KHDRBS3: variants seen among roughly 807,000 people sequenced by gnomAD.
KHDRBS3 encodes KH RNA binding domain containing, signal transduction associated 3.
In KHDRBS3, 23 loss-of-function variants were observed where a neutral mutation model predicts 45.6. The observed-to-expected ratio is 0.50, with a 90% CI of 0.36 to 0.72. The LOEUF (loss-of-function observed/expected upper bound fraction) is 0.72, where lower values mean the gene tolerates loss of function less well. Ranked by LOEUF, KHDRBS3 falls within the 30% of genes least tolerant of loss-of-function variation. The pLI is 0.00. For synonymous variants in KHDRBS3, 162 were observed against 156.5 expected, an observed-to-expected ratio of 1.04 and a Z score of -0.26; for missense variants, 352 against 424.8, an observed-to-expected ratio of 0.83 and a Z score of 1.51.
chr8:135,587,027 C>T (rs975146922), intron 6 of KHDRBS3, among the ~76,000 whole-genome samples: 4 of 152,138 alleles, frequency 2.6e-5, no homozygotes, highest in African/African-American at 7.2e-5. Context: ...ATTTAGTCAA[C>T]GGTATCTGTT....
intron 1 of KHDRBS3, among the ~76,000 whole-genome samples, chr8:135,464,587 T>G (rs1276944330): frequency 6.6e-6 from 1 of 152,220 alleles, no homozygotes; most frequent in Admixed American, 6.5e-5. Flanking sequence ...AAAAAAGTAT[T>G]CCCACAGATA....
chr8:135,610,466 T>C (rs998338823), intron 7 of KHDRBS3, among the ~76,000 whole-genome samples: 1 of 151,912 alleles, frequency 6.6e-6, no homozygotes, highest in African/African-American at 2.4e-5. Flanking sequence ...TCAGTGTTTA[T>C]TGAATGTCCA....
intron 2 of KHDRBS3, among the ~76,000 whole-genome samples, chr8:135,532,703 T>A (rs898479233): frequency 2.6e-5 from 4 of 152,168 alleles, no homozygotes; most frequent in African/African-American, 9.6e-5. Context: ...GTTGAGTAAC[T>A]TGCTAAAAGT....
chr8:135,512,939 G>T (rs1224528635), intron 1 of KHDRBS3, among the ~76,000 whole-genome samples: 2 of 152,170 alleles, frequency 1.3e-5, no homozygotes, highest in Admixed American at 6.5e-5. Flanking sequence ...GAGGCTAGGC[G>T]CAGTGGCTCA....
chr8:135,532,690 G>C (rs1825541934), intron 2 of KHDRBS3, among the ~76,000 whole-genome samples: 1 of 152,124 alleles, frequency 6.6e-6, no homozygotes, highest in Non-Finnish European at 1.5e-5. Flanking sequence ...GAAGAACAGA[G>C]AAGTTGAGTA....
intron 1 of KHDRBS3, among the ~76,000 whole-genome samples, chr8:135,498,697 TTTTTC>T (rs1823582192): frequency 6.6e-6 from 1 of 151,382 alleles, no homozygotes; most frequent in Non-Finnish European, 1.5e-5. Flanking sequence ...GAAAAGTTGT[TTTTTC>T]TTCTTTTTTT....
intron 2 of KHDRBS3, among the ~76,000 whole-genome samples, chr8:135,528,502 T>A (rs972042624): frequency 5.4e-5 from 8 of 148,822 alleles, no homozygotes; most frequent in African/African-American, 1.8e-4. Context: ...GACATAATAT[T>A]TTTTCAGATA....
At chr8:135,503,480 G>T (rs968897583) in intron 1 of KHDRBS3, among the ~76,000 whole-genome samples, 2 of 152,060 alleles carry the variant, frequency 1.3e-5, no homozygotes, top group African/African-American at 2.4e-5. Context: ...AGGATTAAAC[G>T]TGGCCTCCTG....
intron 1 of KHDRBS3, among the ~76,000 whole-genome samples, chr8:135,502,174 C>T (rs190549594): frequency 2.0e-4 from 31 of 152,260 alleles, no homozygotes; most frequent in Admixed American, 9.8e-4. Context: ...TATGAATCTT[C>T]CTGCTACTGC....
chr8:135,479,016 G>A (rs1339311924), intron 1 of KHDRBS3, among the ~76,000 whole-genome samples: 3 of 152,160 alleles, frequency 2.0e-5, no homozygotes, highest in Non-Finnish European at 4.4e-5. Flanking sequence ...CCGAAAGGTG[G>A]TTCTTTGAAA....
At chr8:135,487,677 G>A (rs575347693) in intron 1 of KHDRBS3, among the ~76,000 whole-genome samples, 6 of 152,286 alleles carry the variant, frequency 3.9e-5, no homozygotes, top group Admixed American at 3.9e-4. Flanking sequence ...AAGGAGAAAA[G>A]GGAGACAGGA....
intron 1 of KHDRBS3, among the ~76,000 whole-genome samples, chr8:135,515,365 TAAAAAAAA>T (rs59502823): frequency 0.072 from 2,858 of 39,534 alleles, 190 homozygotes; most frequent in African/African-American, 0.11. Flanking sequence ...GACTCCGTCT[TAAAAAAAA>T]AAAAAAAAAA....
chr8:135,625,766 G>T, intron 7 of KHDRBS3: 1 of 764,180 alleles, frequency 1.3e-6, no homozygotes, highest in Non-Finnish European at 2.4e-6. Context: ...TGAAGTTCTG[G>T]ATGCACCCGT....
intron 2 of KHDRBS3, among the ~76,000 whole-genome samples, chr8:135,523,853 C>G (rs1310258295): frequency 1.3e-5 from 2 of 152,076 alleles, no homozygotes; most frequent in African/African-American, 4.8e-5. Context: ...TTGAAATAAA[C>G]ACAATGTATT....
At position 135,463,502 on chromosome 8, in the gene KHDRBS3, A is replaced by C. The variant is rs531175175; in HGVS notation, c.88+5548A>C. Among the ~76,000 whole-genome samples, 12 of 152,294 alleles carry C rather than the reference A, an allele frequency of 7.9e-5. No individual in the cohort carries two copies. In the South Asian group the frequency reaches 2.5e-3, roughly 32 times the overall value. Reference sequence around the variant, plus strand: ...GATCCTTCTCTAGGAGATAATGAGAAGATGTTGTCAGATCTGCTTTGAATC... The same window carrying C: ...GATCCTTCTCTAGGAGATAATGAGACGATGTTGTCAGATCTGCTTTGAATC... On this transcript the variant is annotated intron_variant, in intron 1 of 8. Coordinates refer to ENST00000355849, the MANE Select transcript of KHDRBS3 (RefSeq NM_006558.3).
downstream of KHDRBS3, among the ~76,000 whole-genome samples, chr8:135,650,680 T>C (rs1486817887): frequency 6.6e-6 from 1 of 152,214 alleles, no homozygotes; most frequent in Non-Finnish European, 1.5e-5. Context: ...TATATTACAG[T>C]GGCTCCTCCC....
chr8:135,588,310 A>G (rs1828578618), intron 6 of KHDRBS3, among the ~76,000 whole-genome samples: 2 of 152,202 alleles, frequency 1.3e-5, no homozygotes, highest in Non-Finnish European at 2.9e-5. Context: ...TGGAAGAGAC[A>G]CATAGGGCAA....
At chr8:135,473,755 G>T (rs1822131750) in intron 1 of KHDRBS3, among the ~76,000 whole-genome samples, 1 of 152,060 alleles carries the variant, frequency 6.6e-6, no homozygotes, top group Non-Finnish European at 1.5e-5. Flanking sequence ...TATTGAAATG[G>T]TCACATGATA....
intron 3 of KHDRBS3, among the ~76,000 whole-genome samples, chr8:135,544,946 G>A (rs1826218169): frequency 1.3e-5 from 2 of 151,900 alleles, no homozygotes; most frequent in Admixed American, 1.3e-4. Flanking sequence ...GCCCCACTCT[G>A]CTTGGTGGCC....
Sources: gnomAD v4.1 joint callset for allele counts (sites outside exome capture counted in the v4.1 genomes callset) on GRCh38, gnomAD v4.1.1 for gene constraint, MANE v1.5 for transcripts, NCBI Gene and HGNC (gene_info 2026-07-23, HGNC 2026-07-21) for gene names.